Variants in PPP4R2 observed in about 807,000 individuals in gnomAD.
PPP4R2 encodes the protein protein phosphatase 4 regulatory subunit 2, also known as serine/threonine-protein phosphatase 4 regulatory subunit 2.
A neutral mutation model predicts 47.2 loss-of-function variants in PPP4R2; 13 were observed. The observed-to-expected ratio is 0.28, with a 90% confidence interval of 0.18 to 0.44. The LOEUF (loss-of-function observed/expected upper bound fraction) is 0.44, where lower values mean the gene tolerates loss of function less well. PPP4R2 is among the 20% of genes least tolerant of loss of function. PPP4R2 has a pLI of 1.00. For missense variants in PPP4R2, 421 were observed against 491.2 expected (o/e 0.86, Z 1.35); for synonymous variants, 151 against 163.3 (o/e 0.92, Z 0.57).
chr3:73,059,960 G>T (rs971711380), intron 4 of PPP4R2, among the ~76,000 whole-genome samples: 1 of 151,476 alleles, frequency 6.6e-6, no homozygotes, highest in Admixed American at 6.6e-5. Context: ...AAAGGAAATG[G>T]TGTGAAGAAC....
chr3:73,004,782 T>C (rs1374569694), intron 2 of PPP4R2, among the ~76,000 whole-genome samples: 1 of 152,172 alleles, frequency 6.6e-6, no homozygotes, highest in African/African-American at 2.4e-5. Flanking sequence ...TTTTACCTTA[T>C]AAACTGCCCA....
intron 3 of PPP4R2, among the ~76,000 whole-genome samples, chr3:73,055,743 C>T (rs1302910239): frequency 6.6e-6 from 1 of 150,584 alleles, no homozygotes; most frequent in Non-Finnish European, 1.5e-5. Flanking sequence ...CTCACTGCAA[C>T]TTGCAACCTC....
chr3:73,023,708 A>G (rs1002204789), intron 2 of PPP4R2, among the ~76,000 whole-genome samples: 3 of 152,358 alleles, frequency 2.0e-5, no homozygotes, highest in African/African-American at 7.2e-5. Context: ...TTAATTTAGA[A>G]TATACTTAAT....
Position 72,996,814 on chromosome 3 carries a change from C to A in PPP4R2, c.-224C>A, listed in dbSNP as rs548104181. The A allele has an allele frequency of 5.2e-6, 2 of 385,342 alleles. No individual in the cohort carries two copies. Among genetic ancestry groups the A allele is most frequent in the Non-Finnish European group, 9.2e-6 (2 of 216,472 alleles). 23.9% of individuals were successfully genotyped at this position (385,342 alleles called of 1,614,324 possible). On this transcript the variant is annotated 5_prime_UTR_variant, in exon 1 of 9. Transcript: ENST00000356692. ...AGCGTGCGCGCGGTGACGTACCGGG[C>A]GCCATGTTGGAGGGTTGGTGGTAGC...
chr3:73,045,049 A>G (rs1047748703), intron 2 of PPP4R2, among the ~76,000 whole-genome samples: 3 of 152,192 alleles, frequency 2.0e-5, no homozygotes, highest in Non-Finnish European at 4.4e-5. Context: ...GCTGGATTCC[A>G]GTGGTGTGAT....
intron 2 of PPP4R2, among the ~76,000 whole-genome samples, chr3:73,034,170 T>G (rs1342871245): frequency 6.6e-6 from 1 of 152,230 alleles, no homozygotes; most frequent in Non-Finnish European, 1.5e-5. Flanking sequence ...ACTGGTCATT[T>G]AGACTTTGAA....
intron 2 of PPP4R2, among the ~76,000 whole-genome samples, chr3:73,028,366 T>C (rs1702108017): frequency 6.6e-6 from 1 of 150,872 alleles, no homozygotes; most frequent in Admixed American, 6.6e-5. Flanking sequence ...AATAAGATGG[T>C]CAGGGGAAGT....
intron 2 of PPP4R2, among the ~76,000 whole-genome samples, chr3:73,030,609 T>A (rs1473411301): frequency 1.4e-5 from 2 of 138,450 alleles, no homozygotes; most frequent in Admixed American, 7.0e-5. Flanking sequence ...GGGGATTACG[T>A]TGATTTTTTT....
At chr3:73,062,711 A>C (rs1211976741) in intron 5 of PPP4R2, 1 of 1,614,010 alleles carries the variant, frequency 6.2e-7, no homozygotes, top group Non-Finnish European at 8.5e-7. Flanking sequence ...AAGTTCAGAG[A>C]CGATTCAAGG....
chr3:73,021,458 A>G lies in PPP4R2; in HGVS notation c.116+23300A>G, dbSNP rs536588902. ...TGCCCTTTTGCCCAGGCTGGTCTCA[A>G]ATTCCTGGGCTGAAGCCTTCCTCCC... On this transcript the variant is annotated intron_variant, in intron 2 of 8. Transcript: ENST00000356692. Among the ~76,000 whole-genome samples, 105 of 152,106 alleles carry G rather than the reference A, an allele frequency of 6.9e-4. No individual in the cohort carries two copies. In the South Asian group the frequency reaches 0.018, roughly 26 times the overall value.
chr3:73,043,371 G>A (rs993539836), intron 2 of PPP4R2, among the ~76,000 whole-genome samples: 1 of 152,034 alleles, frequency 6.6e-6, no homozygotes, highest in African/African-American at 2.4e-5. Flanking sequence ...GGGAAAGGTG[G>A]AAAAAACTAA....
intron 2 of PPP4R2, among the ~76,000 whole-genome samples, chr3:73,007,146 A>G (rs1011669276): frequency 6.6e-6 from 1 of 152,216 alleles, no homozygotes; most frequent in Non-Finnish European, 1.5e-5. Flanking sequence ...AAAATGAGAT[A>G]ATAATAGTAC....
At position 73,024,828 on chromosome 3, in the gene PPP4R2, C is replaced by T. The variant is rs538537296; in HGVS notation, c.117-22358C>T. Among the ~76,000 whole-genome samples the T allele has an allele frequency of 8.5e-5, 13 of 152,192 alleles. No homozygotes were observed. In the South Asian group the frequency reaches 1.9e-3, roughly 22 times the overall value. On this transcript the variant is annotated intron_variant, in intron 2 of 8. Coordinates refer to ENST00000356692, the MANE Select transcript of PPP4R2 (RefSeq NM_174907.4). ...AAGCAGCACAACTGATTGTGGTTCA[C>T]GTAAGCCCAAAAGAAAACTAGAAAA... is the stretch of plus-strand genomic sequence containing the variant.
In PPP4R2 at chr3:73,057,854, TGTG is replaced by T. The variant is rs1365104621; in HGVS notation, c.288-1178_288-1176del. Among the ~76,000 whole-genome samples, 7 of 152,254 alleles carry T rather than the reference TGTG, an allele frequency of 4.6e-5. No individual in the cohort carries two copies. The South Asian group carries it at 6.2e-4, about 14-fold the overall frequency. On this transcript the variant is annotated intron_variant, in intron 3 of 8. Coordinates refer to ENST00000356692, the MANE Select transcript of PPP4R2 (RefSeq NM_174907.4). ...TTTTAACTCACTAACTACTATACCT[TGTG>T]GTGGAAGAAAATTCTGTATCACACT...
intron 2 of PPP4R2, among the ~76,000 whole-genome samples, chr3:73,039,485 A>T (rs1702333025): frequency 6.6e-6 from 1 of 152,246 alleles, no homozygotes; most frequent in African/African-American, 2.4e-5. Flanking sequence ...AATTCTGTTC[A>T]TAATTGTATC....
intron 2 of PPP4R2, among the ~76,000 whole-genome samples, chr3:73,043,887 A>AT (rs1221700511): frequency 2.1e-4 from 32 of 152,222 alleles, no homozygotes; most frequent in Non-Finnish European, 2.9e-5. Context: ...AACTTGAAAC[A>AT]TTGTACACAT....
rs1238118355 is a variant in PPP4R2 at position 73,069,111 on chromosome 3, T to C, written c.*3389T>C. 4 of 152,196 alleles carry C rather than the reference T, an allele frequency of 2.6e-5. No individual in the cohort carries two copies. Among genetic ancestry groups the C allele is most frequent in the Non-Finnish European group, 5.9e-5 (4 of 68,042 alleles). 9.4% of individuals were successfully genotyped at this position (152,196 alleles called of 1,614,324 possible). ...CACATTTTAAAAATCAGTACACTCT[T>C]CAGGATTTTCTTTTATTTCAACTTG... On this transcript the variant is annotated 3_prime_UTR_variant, in exon 9 of 9. Coordinates refer to ENST00000356692, the MANE Select transcript of PPP4R2 (RefSeq NM_174907.4).
At chr3:73,024,863 G>T (rs994812626) in intron 2 of PPP4R2, among the ~76,000 whole-genome samples, 2 of 152,174 alleles carry the variant, frequency 1.3e-5, no homozygotes, top group African/African-American at 2.4e-5. Context: ...AGAAGGGAAA[G>T]AAATATTTAT....
intron 5 of PPP4R2, chr3:73,061,402 T>C (rs1702855947): frequency 6.2e-6 from 1 of 161,780 alleles, no homozygotes; most frequent in African/African-American, 2.4e-5. Flanking sequence ...TTGGAATAAC[T>C]ACTTGATGGC....
Sources: allele counts gnomAD v4.1 joint callset (sites outside exome capture counted in the v4.1 genomes callset), GRCh38; gene constraint gnomAD v4.1.1; transcripts MANE v1.5; gene names NCBI Gene and HGNC (gene_info 2026-07-23, HGNC 2026-07-21).